The following BAZ2B variants were observed in gnomAD, a reference collection of about 807,000 sequenced individuals.
BAZ2B encodes bromodomain adjacent to zinc finger domain 2B, also known as bromodomain adjacent to zinc finger domain protein 2B.
A neutral mutation model predicts 246.0 loss-of-function variants in BAZ2B; 91 were observed. That is an observed-to-expected ratio of 0.37 (90% CI 0.31 to 0.44). BAZ2B has a LOEUF of 0.44. Among genes scored for constraint, BAZ2B ranks in the 20% least tolerant of loss-of-function variants. The pLI is 1.00. For missense variants in BAZ2B, 2,332 were observed against 2,533.7 expected, an observed-to-expected ratio of 0.92 and a Z score of 1.71; for synonymous variants, 855 against 860.0, an observed-to-expected ratio of 0.99 and a Z score of 0.10.
At chr2:159,467,154 G>T (rs1035670083) in intron 3 of BAZ2B, among the ~76,000 whole-genome samples, 2 of 152,148 alleles carry the variant, frequency 1.3e-5, no homozygotes, top group African/African-American at 4.8e-5. Context: ...TGAAAGATAA[G>T]GGGTCAGAAT....
At chr2:159,410,434 A>C (rs2066636208) in intron 14 of BAZ2B, among the ~76,000 whole-genome samples, 1 of 152,122 alleles carries the variant, frequency 6.6e-6, no homozygotes, top group Admixed American at 6.5e-5. Context: ...TGCTGTTCTC[A>C]TGATAGTAAG....
At chr2:159,544,093 G>C (rs1397585315) in intron 2 of BAZ2B, among the ~76,000 whole-genome samples, 1 of 151,910 alleles carries the variant, frequency 6.6e-6, no homozygotes. Context: ...TGTCCCCCTG[G>C]TGTAATTTAA....
At chr2:159,560,726 C>T (rs1302297871) in intron 1 of BAZ2B, among the ~76,000 whole-genome samples, 7 of 152,018 alleles carry the variant, frequency 4.6e-5, no homozygotes, top group Non-Finnish European at 2.9e-5. Context: ...CGGGATTTCA[C>T]CATCTTGGCC....
At chr2:159,620,603 C>T (rs932335812), upstream of BAZ2B, among the ~76,000 whole-genome samples, 1 of 152,022 alleles carries the variant, frequency 6.6e-6, no homozygotes, top group African/African-American at 2.4e-5. Context: ...TGAGAGCTTA[C>T]CAGGCAAAGA....
chr2:159,426,695 G>C (rs1208905469), intron 13 of BAZ2B, among the ~76,000 whole-genome samples: 2 of 152,052 alleles, frequency 1.3e-5, no homozygotes, highest in Non-Finnish European at 2.9e-5. Flanking sequence ...TAGAAAATAG[G>C]TTACATGATG....
Position 159,386,406 on chromosome 2 carries a change from C to G in BAZ2B, c.3418G>C (p.Val1140Leu). ...DSMGEVQDLL[V>L]RLLSAAVCDP... The stretch of plus-strand genomic sequence containing the variant: ...CATACAGCAGCTGAGAGGAGCCTCA[C>G]AAGCAAGTCTTGTACTTCACCCATG... Residue 1140 changes from valine to leucine, a missense_variant, in exon 22 of 37, where the codon GTG becomes CTG. Val to Leu is a conservative substitution (Grantham distance 32). Around this residue, in one of 9 missense-constraint regions of BAZ2B, gnomAD observed 328 missense variants for 410.4 expected, o/e 0.80. Coordinates refer to ENST00000392783, the MANE Select transcript of BAZ2B (RefSeq NM_013450.4). 2 of 1,613,394 alleles carry G rather than the reference C, an allele frequency of 1.2e-6. No individual in the cohort carries two copies. Among genetic ancestry groups the G allele is most frequent in the Non-Finnish European group, 1.7e-6 (2 of 1,179,612 alleles).
chr2:159,631,418 A>G, the BAZ2B span, among the ~76,000 whole-genome samples: 1 of 152,322 alleles, frequency 6.6e-6, no homozygotes, highest in East Asian at 1.9e-4. Flanking sequence ...CCCACAGTAT[A>G]CAGATTATGG....
intron 3 of BAZ2B, among the ~76,000 whole-genome samples, chr2:159,477,119 C>T (rs1455022061): frequency 6.6e-6 from 1 of 152,044 alleles, no homozygotes; most frequent in Non-Finnish European, 1.5e-5. Context: ...TCCTGGCTAA[C>T]ACGGTGAAAC....
chr2:159,427,458 G>T (rs2070158419), intron 13 of BAZ2B, among the ~76,000 whole-genome samples: 1 of 151,658 alleles, frequency 6.6e-6, no homozygotes, highest in Non-Finnish European at 1.5e-5. Context: ...TTTAAGAAAT[G>T]ACAAAAAAAA....
intron 1 of BAZ2B, among the ~76,000 whole-genome samples, chr2:159,595,489 T>C (rs551013031): frequency 1.3e-5 from 2 of 152,332 alleles, no homozygotes; most frequent in South Asian, 4.1e-4. Flanking sequence ...AAAAGAGGTA[T>C]GCGTGCTGTA....
At chr2:159,684,168 T>C in the BAZ2B span, among the ~76,000 whole-genome samples, 1 of 152,262 alleles carries the variant, frequency 6.6e-6, no homozygotes, top group African/African-American at 2.4e-5. Flanking sequence ...TTTGTATTAC[T>C]GAATAATTCC....
intron 2 of BAZ2B, among the ~76,000 whole-genome samples, chr2:159,523,812 C>A (rs1222694089): frequency 1.3e-5 from 2 of 152,142 alleles, no homozygotes; most frequent in African/African-American, 4.8e-5. Flanking sequence ...ACAATTTATA[C>A]ACCAATTTCA....
the BAZ2B span, among the ~76,000 whole-genome samples, chr2:159,630,577 A>G: frequency 6.7e-6 from 1 of 148,314 alleles, no homozygotes; most frequent in African/African-American, 2.5e-5. Flanking sequence ...TCTGTCGCCC[A>G]GGCTGGAGTG....
chr2:159,396,374 C>G (rs939614324), intron 19 of BAZ2B: 1 of 151,980 alleles, frequency 6.6e-6, no homozygotes, highest in Non-Finnish European at 1.5e-5. Flanking sequence ...TTTTTTAAGG[C>G]TTTTATACCA....
intron 34 of BAZ2B, among the ~76,000 whole-genome samples, chr2:159,326,916 C>G (rs529892740): frequency 6.6e-6 from 1 of 152,258 alleles, no homozygotes; most frequent in African/African-American, 2.4e-5. Context: ...CAACGTATGG[C>G]TTTTATTTTT....
intron 1 of BAZ2B, among the ~76,000 whole-genome samples, chr2:159,557,767 C>G (rs1578357849): frequency 6.6e-6 from 1 of 152,116 alleles, no homozygotes; most frequent in African/African-American, 2.4e-5. Context: ...TTATCAAGTT[C>G]CTACTGCATC....
At chr2:159,646,922 T>C in the BAZ2B span, among the ~76,000 whole-genome samples, 1 of 152,220 alleles carries the variant, frequency 6.6e-6, no homozygotes, top group African/African-American at 2.4e-5. Flanking sequence ...TAACATTCTA[T>C]TCATGATTAT....
Position 159,469,631 on chromosome 2 carries a change from C to T in BAZ2B, c.145+8944G>A, listed in dbSNP as rs190369712. ...TTTATATATATTTTTAGTAGAGACG[C>T]GGTTTCATCATGTTGGCGAGGCAGG... On this transcript the variant is annotated intron_variant, in intron 3 of 36. Transcript: ENST00000392783. Among the ~76,000 whole-genome samples the T allele has an allele frequency of 2.2e-3, 341 of 151,852 alleles. 1 individual carries two copies. In the East Asian group the frequency reaches 0.025, roughly 11 times the overall value.
Position 159,405,116 on chromosome 2 carries a change from T to C in BAZ2B, c.2678-2A>G, listed in dbSNP as rs368186352. Reference sequence around the variant, plus strand: ...TTTGTGCTGCTTGCCTGGCTATTTCTGAAAAACACAAAATTTCAAAGAATA... The same window carrying C: ...TTTGTGCTGCTTGCCTGGCTATTTCCGAAAAACACAAAATTTCAAAGAATA... On this transcript the variant is annotated splice_acceptor_variant, in intron 14 of 36. Transcript: ENST00000392783. LOFTEE classifies it high-confidence loss of function. 3 of 1,613,406 alleles carry C rather than the reference T, an allele frequency of 1.9e-6. No individual in the cohort carries two copies. Among genetic ancestry groups the C allele is most frequent in the South Asian group, 1.1e-5 (1 of 90,960 alleles).
Sources: gnomAD v4.1 joint callset for allele counts (sites outside exome capture counted in the v4.1 genomes callset) on GRCh38, gnomAD v4.1.1 for gene constraint, gnomAD v4.1.1 regional missense constraint, MANE v1.5 for transcripts, NCBI Gene and HGNC (gene_info 2026-07-23, HGNC 2026-07-21) for gene names.